ZNF438: variants seen among roughly 807,000 people sequenced by gnomAD.
ZNF438 encodes zinc finger protein 438.
A neutral mutation model predicts 38.0 loss-of-function variants in ZNF438; 25 were observed. The ratio of observed to expected loss-of-function variants is 0.66; its 90% CI spans 0.48 to 0.92. ZNF438 has a LOEUF of 0.92. ZNF438 is among the 40% of genes least tolerant of loss of function. The probability of loss-of-function intolerance (pLI) is 0.00; values close to 1 mark genes in which losing one functional copy is unlikely to be tolerated. For synonymous variants in ZNF438, 372 were observed against 364.1 expected (o/e 1.02, Z -0.25); for missense variants, 1,007 against 999.6 (o/e 1.01, Z -0.10).
chr10:30,987,220 C>T (rs917046140), intron 1 of ZNF438, among the ~76,000 whole-genome samples: 12 of 150,598 alleles, frequency 8.0e-5, no homozygotes, highest in African/African-American at 1.2e-4. Flanking sequence ...TTTGGGAGGA[C>T]GAGATGGGAG....
At chr10:31,010,180 C>T (rs537107991) in intron 1 of ZNF438, among the ~76,000 whole-genome samples, 15 of 152,226 alleles carry the variant, frequency 9.9e-5, no homozygotes, top group African/African-American at 3.6e-4. Context: ...GCAATGCTTA[C>T]TTTAATGACA....
chr10:30,858,633 T>G (rs2035082652), intron 4 of ZNF438, among the ~76,000 whole-genome samples: 1 of 152,206 alleles, frequency 6.6e-6, no homozygotes, highest in South Asian at 2.1e-4. Flanking sequence ...AGTCCACATA[T>G]CTGCAGCATG....
rs1244237835 is a variant in ZNF438 at position 30,927,666 on chromosome 10, T to C, written c.-115+13909A>G. ...TAAATTACAGACATTGCACGTAAAG[T>C]GATGGTGAAAATAAACCCGAAGGGT... On this transcript the variant is annotated intron_variant, in intron 2 of 5. Transcript: ENST00000413025. 2.0e-5 allele frequency among the ~76,000 whole-genome samples: 3 copies of C among 152,210 alleles called. No individual in the cohort carries two copies. In the East Asian group the frequency reaches 5.8e-4, roughly 29 times the overall value.
chr10:30,856,965 A>G (rs1000823268), intron 4 of ZNF438, among the ~76,000 whole-genome samples: 2 of 152,204 alleles, frequency 1.3e-5, no homozygotes, highest in African/African-American at 4.8e-5. Context: ...AATTAATGCT[A>G]GGTCTTTTAA....
intron 4 of ZNF438, among the ~76,000 whole-genome samples, chr10:30,871,367 T>C (rs1039243289): frequency 2.0e-5 from 3 of 152,214 alleles, no homozygotes; most frequent in African/African-American, 4.8e-5. Context: ...ACAGGTGTGA[T>C]TGATTTATAA....
intron 2 of ZNF438, 54 bp downstream of exon 3, chr10:30,941,521 T>C (rs2046819563): frequency 6.6e-6 from 1 of 152,206 alleles, no homozygotes; most frequent in African/African-American, 2.4e-5. Flanking sequence ...ACTTAATTCT[T>C]TGCATTTTAA....
At chr10:31,004,447 T>A (rs2054932923) in intron 1 of ZNF438, among the ~76,000 whole-genome samples, 1 of 152,160 alleles carries the variant, frequency 6.6e-6, no homozygotes, top group Non-Finnish European at 1.5e-5. Flanking sequence ...AAGAGACAAG[T>A]GTTTCCAAAA....
At chr10:30,878,753 AC>A (rs2038818049) in intron 3 of ZNF438, among the ~76,000 whole-genome samples, 2 of 152,164 alleles carry the variant, frequency 1.3e-5, no homozygotes, top group African/African-American at 4.8e-5. Flanking sequence ...CCACCTGGGC[AC>A]CGCCACAGGG....
At chr10:30,888,362 A>AC (rs1564574714) in intron 3 of ZNF438, among the ~76,000 whole-genome samples, 8 of 36,518 alleles carry the variant, frequency 2.2e-4, no homozygotes, top group African/African-American at 5.2e-4. Context: ...CACACACACA[A>AC]ACACACACAT....
chr10:30,865,271 A>T (rs914676970), intron 4 of ZNF438, among the ~76,000 whole-genome samples: 5 of 152,214 alleles, frequency 3.3e-5, no homozygotes, highest in Non-Finnish European at 7.3e-5. Flanking sequence ...GTAGTTAATG[A>T]ACTCACACAT....
chr10:30,977,962 A>C (rs771922186), intron 1 of ZNF438, among the ~76,000 whole-genome samples: 6 of 151,732 alleles, frequency 4.0e-5, no homozygotes, highest in Non-Finnish European at 7.4e-5. Flanking sequence ...AGGCTGGGTG[A>C]CAGAGCAAGA....
intron 4 of ZNF438, among the ~76,000 whole-genome samples, chr10:30,855,771 C>A (rs2034513971): frequency 6.6e-6 from 1 of 152,222 alleles, no homozygotes; most frequent in Non-Finnish European, 1.5e-5. Context: ...GGGAGATGTA[C>A]AGTATGCTAT....
At chr10:30,908,732 T>A (rs2042811028) in intron 3 of ZNF438, among the ~76,000 whole-genome samples, 1 of 152,220 alleles carries the variant, frequency 6.6e-6, no homozygotes. Flanking sequence ...TACTGAAATT[T>A]AGTCTGTACA....
In ZNF438 at chr10:30,998,468, G is replaced by A. The variant is rs555057840; in HGVS notation, c.-192+33365C>T. On this transcript the variant is annotated intron_variant, in intron 1 of 5. Coordinates refer to ENST00000413025, the Ensembl canonical transcript of ZNF438. ...TGAGGCAGGAGAATGGCGTGAACCC[G>A]AGAGGCGGAGCTTGCAGTGAGCCGA... is the stretch of plus-strand genomic sequence containing the variant. 4.5e-3 allele frequency among the ~76,000 whole-genome samples: 645 copies of A among 142,360 alleles called. 3 individuals are homozygous for A. Among genetic ancestry groups the A allele is most frequent in the Non-Finnish European group, 7.3e-3 (486 of 66,194 alleles). 93.4% of individuals were successfully genotyped at this position (142,360 alleles called of 152,430 possible).
intron 1 of ZNF438, among the ~76,000 whole-genome samples, chr10:31,005,015 G>A (rs1354357324): frequency 2.0e-5 from 3 of 152,232 alleles, no homozygotes; most frequent in Non-Finnish European, 4.4e-5. Context: ...TGGTGGGAAT[G>A]CAGATCAGTG....
chr10:30,908,085 C>T (rs2042752746), intron 3 of ZNF438, among the ~76,000 whole-genome samples: 1 of 152,042 alleles, frequency 6.6e-6, no homozygotes, highest in Non-Finnish European at 1.5e-5. Flanking sequence ...TCCTCTTTGA[C>T]TCTGATTATT....
intron 1 of ZNF438, among the ~76,000 whole-genome samples, chr10:31,015,729 A>G (rs1003667223): frequency 6.6e-5 from 10 of 152,244 alleles, no homozygotes; most frequent in African/African-American, 2.2e-4. Context: ...CTTCAGCTGC[A>G]ATAATGACAT....
At chr10:30,845,075 G>A in exon 6 of ZNF438, 1 of 1,614,150 alleles carries the variant, frequency 6.2e-7, no homozygotes, top group Non-Finnish European at 8.5e-7. Flanking sequence ...AGTGGTGGAG[G>A]AGGTCCTCTT....
chr10:30,855,319 G>A (rs1188554061), intron 4 of ZNF438, among the ~76,000 whole-genome samples: 3 of 152,164 alleles, frequency 2.0e-5, no homozygotes, highest in Admixed American at 6.5e-5. Flanking sequence ...AACTGAGTCC[G>A]TGCTCCTCAA....
Sources: allele counts gnomAD v4.1 joint callset (sites outside exome capture counted in the v4.1 genomes callset), GRCh38; gene constraint gnomAD v4.1.1; transcripts MANE v1.5; gene names NCBI Gene and HGNC (gene_info 2026-07-23, HGNC 2026-07-21).